MS4A5: variants seen among roughly 807,000 people sequenced by gnomAD.
MS4A5 encodes membrane spanning 4-domains A5.
In MS4A5, 15 loss-of-function variants were observed where a neutral mutation model predicts 18.2. The observed-to-expected ratio is 0.83, with a 90% CI of 0.55 to 1.27. The LOEUF is 1.27. Among genes scored for constraint, MS4A5 ranks in the 50% most tolerant of loss-of-function variants. The probability of loss-of-function intolerance (pLI) is 0.00; values close to 1 mark genes in which losing one functional copy is unlikely to be tolerated. For missense variants in MS4A5, 232 were observed against 225.7 expected (o/e 1.03, Z -0.18); for synonymous variants, 89 against 78.7 (o/e 1.13, Z -0.69).
chr11:60,438,645 C>T (rs1232824753), intron 4 of MS4A5, among the ~76,000 whole-genome samples: 2 of 152,050 alleles, frequency 1.3e-5, no homozygotes, highest in South Asian at 2.1e-4. Context: ...ACTACAAACA[C>T]CTCTACGCAA....
chr11:60,442,706 G>A (rs1188246405), intron 4 of MS4A5, among the ~76,000 whole-genome samples: 2 of 152,184 alleles, frequency 1.3e-5, no homozygotes, highest in Non-Finnish European at 2.9e-5. Context: ...GCACCCCGCT[G>A]TACAACAGAT....
chr11:60,438,315 A>G (rs2135175695), intron 4 of MS4A5, among the ~76,000 whole-genome samples: 1 of 152,362 alleles, frequency 6.6e-6, no homozygotes, highest in Admixed American at 6.5e-5. Flanking sequence ...CCCACAAGAG[A>G]AAGCAGGAAA....
In MS4A5 at chr11:60,430,935, T is replaced by C. The variant is rs777373955; in HGVS notation, c.282+11T>C. ...TGGGGCTCTGTTTTGGTGAGTATAG[T>C]CAATCAAGTTCAATTTGAAGCCATG... On this transcript the variant is annotated intron_variant, in intron 2 of 4. Coordinates refer to ENST00000300190, the MANE Select transcript of MS4A5 (RefSeq NM_023945.3). 5 of 1,600,706 alleles carry C rather than the reference T, an allele frequency of 3.1e-6. No homozygotes were observed. In the East Asian group the frequency reaches 1.1e-4, roughly 36 times the overall value.
intron 3 of MS4A5, among the ~76,000 whole-genome samples, chr11:60,433,536 A>G (rs903284019): frequency 1.2e-4 from 18 of 152,262 alleles, no homozygotes; most frequent in African/African-American, 4.3e-4. Flanking sequence ...TAACTTAGGC[A>G]TAGAATATGG....
chr11:60,433,667 T>A (rs973819377), intron 3 of MS4A5, 98 bp from the exon 4 acceptor site: 15 of 1,210,086 alleles, frequency 1.2e-5, no homozygotes, highest in Non-Finnish European at 1.6e-5. Context: ...ATTAAGATGC[T>A]GTGACTAAAA....
At chr11:60,435,315 C>G in intron 4 of MS4A5, 2 of 387,066 alleles carry the variant, frequency 5.2e-6, no homozygotes, top group South Asian at 1.7e-5. Context: ...CTAATAGAAA[C>G]AGAACATAGC....
chr11:60,441,899 T>C (rs1404508134), intron 4 of MS4A5, among the ~76,000 whole-genome samples: 1 of 152,150 alleles, frequency 6.6e-6, no homozygotes, highest in Non-Finnish European at 1.5e-5. Flanking sequence ...GGGGACTTTC[T>C]ATAATAAAAG....
intron 4 of MS4A5, among the ~76,000 whole-genome samples, chr11:60,438,304 G>T (rs1164140606): frequency 2.0e-5 from 3 of 152,248 alleles, no homozygotes; most frequent in Middle Eastern, 3.4e-3. Flanking sequence ...AGCACTAAAT[G>T]CCCACAAGAG....
chr11:60,447,121 T>A (rs1440425638), intron 4 of MS4A5, among the ~76,000 whole-genome samples: 2 of 148,258 alleles, frequency 1.3e-5, no homozygotes, highest in African/African-American at 4.9e-5. Flanking sequence ...TATCCTATGC[T>A]ATCCTATGCT....
At chr11:60,441,195 C>A (rs1590834443) in intron 4 of MS4A5, among the ~76,000 whole-genome samples, 1 of 133,518 alleles carries the variant, frequency 7.5e-6, no homozygotes, top group South Asian at 2.5e-4. Context: ...CCAAACACCG[C>A]ATATTCTCAC....
In MS4A5 at chr11:60,429,767, G is replaced by C; in HGVS notation, c.93G>C (p.Thr31=). ...SEYESTELSA[T]TFSTQSPLQK... Reference sequence around the variant, plus strand: ...ATGAGTCCACAGAACTTTCAGCCACGACCTTTTCAACTCAAAGCCCCTTGC... The same window carrying C: ...ATGAGTCCACAGAACTTTCAGCCACCACCTTTTCAACTCAAAGCCCCTTGC... Residue 31 remains threonine, a synonymous_variant, in exon 1 of 5, where the codon ACG becomes ACC. Coordinates refer to ENST00000300190, the MANE Select transcript of MS4A5 (RefSeq NM_023945.3). The C allele has an allele frequency of 6.2e-7, 1 of 1,613,954 alleles. No individual in the cohort carries two copies. Among genetic ancestry groups the C allele is most frequent in the Non-Finnish European group, 8.5e-7 (1 of 1,180,010 alleles).
chr11:60,437,812 A>G (rs1014218173), intron 4 of MS4A5, among the ~76,000 whole-genome samples: 1 of 150,698 alleles, frequency 6.6e-6, no homozygotes, highest in Non-Finnish European at 1.5e-5. Flanking sequence ...AGACTCCCAC[A>G]CATTAATAAT....
chr11:60,434,974 G>A (rs1590831554), intron 4 of MS4A5, among the ~76,000 whole-genome samples: 1 of 152,150 alleles, frequency 6.6e-6, no homozygotes, highest in African/African-American at 2.4e-5. Context: ...AACGTACCCT[G>A]CCCCAAAATA....
chr11:60,441,141 A>G (rs1259765469), intron 4 of MS4A5, among the ~76,000 whole-genome samples: 1 of 121,764 alleles, frequency 8.2e-6, no homozygotes, highest in East Asian at 2.2e-4. Flanking sequence ...CATGGATGAA[A>G]TTGGAAATCA....
At position 60,433,917 on chromosome 11, in the gene MS4A5, G is replaced by A. The variant is rs1225768293; in HGVS notation, c.492G>A (p.Leu164=). ...GTAAGGCTGTTACTGTCCTGTTCTT[G>A]GTAAGTATGTTGCATTTATAGAGTG... ...SQCKAVTVLF[L]GILITLMTFS... is the part of the protein sequence containing the mutation. The change falls in exon 4 of 5, where the codon TTG becomes TTA. Residue 164 remains leucine, a splice_region_variant and synonymous_variant. Coordinates refer to ENST00000300190, the MANE Select transcript of MS4A5 (RefSeq NM_023945.3). 2.5e-6 allele frequency: 4 copies of A among 1,613,238 alleles called. No individual in the cohort carries two copies. The highest frequency in any genetic ancestry group is 3.4e-6 in the Non-Finnish European group (4 of 1,179,550).
At chr11:60,435,531 C>T in intron 4 of MS4A5, 1 of 376,768 alleles carries the variant, frequency 2.7e-6, no homozygotes, top group Non-Finnish European at 5.1e-6. Context: ...CGGTTCATCT[C>T]ACTAGGGAGT....
intron 4 of MS4A5, among the ~76,000 whole-genome samples, chr11:60,442,141 A>T (rs2086116389): frequency 6.6e-6 from 1 of 152,236 alleles, no homozygotes; most frequent in Non-Finnish European, 1.5e-5. Flanking sequence ...TAGAATGAAC[A>T]CTACACCAAA....
chr11:60,447,244 C>CCTATA (rs2086144789), intron 4 of MS4A5, among the ~76,000 whole-genome samples: 2 of 138,248 alleles, frequency 1.4e-5, no homozygotes, highest in African/African-American at 5.4e-5. Flanking sequence ...GCTATGCTAT[C>CCTATA]CTATACTATG....
At chr11:60,438,261 T>C (rs9666302) in intron 4 of MS4A5, among the ~76,000 whole-genome samples, 141,107 of 152,252 alleles carry the variant, frequency 0.93, 65,423 homozygotes, top group Middle Eastern at 0.97. Context: ...ATCTCTGGGA[T>C]GCATTCAAAG....
Sources: allele counts gnomAD v4.1 joint callset (sites outside exome capture counted in the v4.1 genomes callset), GRCh38; gene constraint gnomAD v4.1.1; transcripts MANE v1.5; gene names NCBI Gene and HGNC (gene_info 2026-07-23, HGNC 2026-07-21).